GLT1D1: variants seen among roughly 807,000 people sequenced by gnomAD.
The protein encoded by GLT1D1 is glycosyltransferase 1 domain-containing protein 1.
Under a neutral mutation model 28.7 loss-of-function variants are expected in GLT1D1, and 21 were observed. That is an observed-to-expected ratio of 0.73 (90% CI 0.52 to 1.05). The LOEUF (loss-of-function observed/expected upper bound fraction) is 1.05. Ranked by LOEUF, GLT1D1 falls within the 50% of genes least tolerant of loss-of-function variation. The pLI, the probability that GLT1D1 is intolerant of heterozygous loss-of-function variation, is 0.00. For synonymous variants in GLT1D1, 147 were observed against 124.8 expected, an observed-to-expected ratio of 1.18 and a Z score of -1.19; for missense variants, 343 against 330.6, an observed-to-expected ratio of 1.04 and a Z score of -0.29.
chr12:128,878,252 T>G (rs1184354580), intron 2 of GLT1D1, among the ~76,000 whole-genome samples: 1 of 152,230 alleles, frequency 6.6e-6, no homozygotes, highest in African/African-American at 2.4e-5. Flanking sequence ...AGCCCACCGC[T>G]GAATATATAT....
At chr12:128,912,442 G>T in intron 4 of GLT1D1, 1 of 1,525,194 alleles carries the variant, frequency 6.6e-7, no homozygotes, top group South Asian at 1.2e-5. Flanking sequence ...TAAGGGTAAG[G>T]TCTATGTCCA....
At chr12:128,863,376 TTA>T (rs201601194) in intron 1 of GLT1D1, among the ~76,000 whole-genome samples, 3,601 of 123,014 alleles carry the variant, frequency 0.029, 158 homozygotes, top group African/African-American at 0.094. Flanking sequence ...GGATAATTTA[TTA>T]TTTTTTTTTT....
chr12:128,864,760 T>C (rs1956474811), intron 1 of GLT1D1, among the ~76,000 whole-genome samples: 1 of 152,026 alleles, frequency 6.6e-6, no homozygotes, highest in African/African-American at 2.4e-5. Context: ...GTGGGGGTGG[T>C]TAACTCCTGA....
At chr12:128,949,863 C>T (rs998497167) in intron 6 of GLT1D1, among the ~76,000 whole-genome samples, 7 of 152,042 alleles carry the variant, frequency 4.6e-5, no homozygotes, top group African/African-American at 9.7e-5. Flanking sequence ...CACACGTGTA[C>T]GCACACACAC....
intron 1 of GLT1D1, among the ~76,000 whole-genome samples, chr12:128,875,327 C>T (rs1956845928): frequency 6.6e-6 from 1 of 152,162 alleles, no homozygotes; most frequent in Non-Finnish European, 1.5e-5. Flanking sequence ...GCTGTCAGGG[C>T]CTCCTGGGTC....
chr12:128,971,951 C>T (rs1321738286), intron 7 of GLT1D1, among the ~76,000 whole-genome samples: 1 of 148,006 alleles, frequency 6.8e-6, no homozygotes, highest in Non-Finnish European at 1.5e-5. Flanking sequence ...TGAGTTTTGC[C>T]GGGAGAATCC....
chr12:128,937,957 C>T (rs982829365), intron 4 of GLT1D1, among the ~76,000 whole-genome samples: 29 of 152,170 alleles, frequency 1.9e-4, no homozygotes, highest in African/African-American at 6.3e-4. Context: ...CAGACGAATA[C>T]GGACACGGTT....
chr12:128,911,084 C>T (rs1193903631), intron 4 of GLT1D1, among the ~76,000 whole-genome samples: 4 of 152,208 alleles, frequency 2.6e-5, no homozygotes, highest in African/African-American at 9.6e-5. Flanking sequence ...CGCATGCCGC[C>T]ACACCCGGCT....
intron 4 of GLT1D1, among the ~76,000 whole-genome samples, chr12:128,920,413 G>A (rs1872558372): frequency 6.6e-6 from 1 of 152,120 alleles, no homozygotes; most frequent in African/African-American, 2.4e-5. Flanking sequence ...AATTAGCCAG[G>A]TGTGGTAGTG....
intron 1 of GLT1D1, among the ~76,000 whole-genome samples, chr12:128,868,167 C>G (rs967027260): frequency 6.6e-6 from 1 of 152,256 alleles, no homozygotes; most frequent in African/African-American, 2.4e-5. Flanking sequence ...TCTCCTGCAT[C>G]TGCTTCCCTC....
intron 6 of GLT1D1, among the ~76,000 whole-genome samples, chr12:128,952,917 C>T (rs141402495): frequency 0.026 from 3,985 of 150,880 alleles, 82 homozygotes; most frequent in Non-Finnish European, 0.042. Context: ...TAGCTGGAAC[C>T]ACAGGCATGC....
chr12:128,868,017 A>T lies in GLT1D1; in HGVS notation c.69-7897A>T, dbSNP rs189987199. 1.4e-4 allele frequency among the ~76,000 whole-genome samples: 22 copies of T among 152,352 alleles called. No individual in the cohort carries two copies. The East Asian group carries it at 3.9e-3, about 27-fold the overall frequency. Reference sequence around the variant, plus strand: ...GCCTTGAGTAATTGAATTGAAAGCTAAGTTGAATTGAAAACCCAACCTAAA... The same window carrying T: ...GCCTTGAGTAATTGAATTGAAAGCTTAGTTGAATTGAAAACCCAACCTAAA... On this transcript the variant is annotated intron_variant, in intron 1 of 7. Transcript: ENST00000281703.
At chr12:128,883,373 C>T (rs954954028) in intron 2 of GLT1D1, among the ~76,000 whole-genome samples, 1 of 150,732 alleles carries the variant, frequency 6.6e-6, no homozygotes, top group Admixed American at 6.6e-5. Context: ...GGGGGGATCA[C>T]AAGGTCAGGA....
intron 4 of GLT1D1, among the ~76,000 whole-genome samples, chr12:128,934,272 C>G (rs1874288940): frequency 7.0e-6 from 1 of 142,568 alleles, no homozygotes; most frequent in Non-Finnish European, 1.5e-5. Context: ...GGCACGATCT[C>G]GGCTCACTGC....
intron 4 of GLT1D1, among the ~76,000 whole-genome samples, chr12:128,927,678 G>A (rs537359226): frequency 1.2e-4 from 18 of 152,118 alleles, no homozygotes; most frequent in Admixed American, 9.8e-4. Context: ...TTGCTACAAA[G>A]GATAACTAAT....
At chr12:128,953,072 A>T (rs1593182553) in intron 6 of GLT1D1, among the ~76,000 whole-genome samples, 2 of 151,436 alleles carry the variant, frequency 1.3e-5, no homozygotes, top group Non-Finnish European at 2.9e-5. Flanking sequence ...GTGAGCCACC[A>T]CGCCTGGCCC....
chr12:128,948,488 G>A (rs990457676), intron 6 of GLT1D1, among the ~76,000 whole-genome samples: 2 of 152,068 alleles, frequency 1.3e-5, no homozygotes, highest in Non-Finnish European at 2.9e-5. Context: ...CACTGCACAC[G>A]ACAGACATGG....
chr12:128,983,296 A>G lies in GLT1D1; in HGVS notation c.*206A>G. On this transcript the variant is annotated 3_prime_UTR_variant, in exon 8 of 8. Transcript: ENST00000281703. This position sits in a 1 kb window ranked among gnomAD's most constrained non-coding sequence, Gnocchi z 4.7. ...TTCAGATGCTGTCCCAGGCGTGTTC[A>G]CCAGCCAGTCCTGATGGAGGTGCAT... The G allele has an allele frequency of 1.8e-6, 1 of 548,128 alleles. No homozygotes were observed. The highest frequency in any genetic ancestry group is 2.9e-5 in the East Asian group (1 of 33,998). The allele number at this position is 548,128 out of a possible 1,614,324, so 34.0% of individuals were successfully genotyped here.
intron 7 of GLT1D1, among the ~76,000 whole-genome samples, chr12:128,962,778 T>C (rs1878096655): frequency 6.6e-6 from 1 of 152,166 alleles, no homozygotes; most frequent in African/African-American, 2.4e-5. Context: ...CTCGGCTTGC[T>C]GCAACCTCTG....
Sources: gnomAD v4.1 joint callset for allele counts (sites outside exome capture counted in the v4.1 genomes callset) on GRCh38, gnomAD v4.1.1 for gene constraint, Gnocchi (gnomAD v3.1) non-coding constraint, MANE v1.5 for transcripts, NCBI Gene and HGNC (gene_info 2026-07-23, HGNC 2026-07-21) for gene names.